Variants in PFKFB2 observed in about 807,000 individuals in gnomAD.
PFKFB2 encodes the protein 6-phosphofructo-2-kinase/fructose-2,6-biphosphatase 2.
PFKFB2 carries 53 observed loss-of-function variants against 68.0 expected under a neutral mutation model. The observed-to-expected ratio is 0.78, with a 90% CI of 0.63 to 0.98. The LOEUF is 0.98. PFKFB2 is among the 50% of genes least tolerant of loss of function. PFKFB2 has a pLI of 0.00. For missense variants in PFKFB2, 451 were observed against 642.0 expected (o/e 0.70, Z 3.22); for synonymous variants, 222 against 227.6 (o/e 0.98, Z 0.22).
upstream of PFKFB2, chr1:207,048,981 G>T (rs758139970): frequency 3.2e-6 from 5 of 1,564,146 alleles, no homozygotes; most frequent in African/African-American, 4.1e-5. Context: ...CCTTCTGGAT[G>T]TGTGAGGTAG....
chr1:207,053,878 TTTTC>T (rs1357520804), intron 1 of PFKFB2, among the ~76,000 whole-genome samples: 3 of 151,600 alleles, frequency 2.0e-5, no homozygotes, highest in African/African-American at 4.8e-5. Context: ...CACTTTTTTC[TTTTC>T]TTTCTTTCTT....
rs1427475473 is a variant in PFKFB2, at chr1:207,077,654, A to AT, written c.*5284dup. Reference sequence around the variant, plus strand: ...ATTTCCTAGGCACTGCTCTGTTGAAATAGGAACATAAGTCTTTAGCAACAT... The same window carrying AT: ...ATTTCCTAGGCACTGCTCTGTTGAAATTAGGAACATAAGTCTTTAGCAACAT... On this transcript the variant is annotated 3_prime_UTR_variant, in exon 15 of 15. Coordinates refer to ENST00000367080, the MANE Select transcript of PFKFB2 (RefSeq NM_006212.2). 5 of 985,734 alleles carry AT rather than the reference A, an allele frequency of 5.1e-6. No homozygotes were observed. The highest frequency in any genetic ancestry group is 1.1e-4 in the East Asian group (1 of 8,832). 61.1% of individuals were successfully genotyped at this position (985,734 alleles called of 1,614,324 possible). A position where few individuals can be genotyped will look rare whatever the true frequency, so the allele number is the denominator to read the frequency against.
chr1:207,047,028 G>C (rs1278241823), intron 2 of PFKFB2: 1 of 152,296 alleles, frequency 6.6e-6, no homozygotes, highest in Non-Finnish European at 1.5e-5. Flanking sequence ...TTATCTAGTG[G>C]TATATTCTTA....
In PFKFB2 at chr1:207,077,439, C is replaced by T. The variant is rs926075805; in HGVS notation, c.*5068C>T. Reference sequence around the variant, plus strand: ...TTTTTGTATCTGAATTGCTTATGTACGTTTTTTATTATATTGACCTAACAA... The same window carrying T: ...TTTTTGTATCTGAATTGCTTATGTATGTTTTTTATTATATTGACCTAACAA... On this transcript the variant is annotated 3_prime_UTR_variant, in exon 15 of 15. Transcript: ENST00000367080. 14 of 985,034 alleles carry T rather than the reference C, an allele frequency of 1.4e-5. No homozygotes were observed. Among genetic ancestry groups the T allele is most frequent in the African/African-American group, 1.7e-5 (1 of 57,194 alleles). 61.0% of individuals were successfully genotyped at this position (985,034 alleles called of 1,614,324 possible).
chr1:207,049,778 T>C (rs1682691460), upstream of PFKFB2: 2 of 1,504,648 alleles, frequency 1.3e-6, no homozygotes, highest in African/African-American at 2.8e-5. Context: ...AGAAACCGAG[T>C]GTTCTCTAGC....
intron 2 of PFKFB2, among the ~76,000 whole-genome samples, chr1:207,056,979 G>T (rs1188555809): frequency 2.0e-5 from 3 of 152,064 alleles, no homozygotes; most frequent in African/African-American, 7.3e-5. Context: ...GGCTAACTTT[G>T]ACTCCGGGAA....
chr1:207,043,274 G>A (rs959096277), intron 2 of PFKFB2, among the ~76,000 whole-genome samples: 3 of 152,038 alleles, frequency 2.0e-5, no homozygotes, highest in African/African-American at 4.8e-5. Context: ...TTCTTATGTT[G>A]GATGTACACT....
At chr1:207,057,429 G>C (rs1226388785) in intron 2 of PFKFB2, among the ~76,000 whole-genome samples, 1 of 149,994 alleles carries the variant, frequency 6.7e-6, no homozygotes, top group Non-Finnish European at 1.5e-5. Context: ...AGTGAGCCGA[G>C]ATCGCGCCAC....
At chr1:207,065,485 G>A (rs907933456) in intron 8 of PFKFB2, among the ~76,000 whole-genome samples, 11 of 151,816 alleles carry the variant, frequency 7.2e-5, no homozygotes, top group Admixed American at 1.3e-4. Flanking sequence ...TGAGTAGCTG[G>A]GACCACAGGT....
Position 207,070,445 on chromosome 1 carries a change from T to C in PFKFB2, c.1222+36T>C. ...GGGAGGGGCTGGGAGACACATCCAG[T>C]GGGAGAGGGCTGGACTTGCAGTGGC... On this transcript the variant is annotated intron_variant, in intron 12 of 14. Coordinates refer to ENST00000367080, the MANE Select transcript of PFKFB2 (RefSeq NM_006212.2). The surrounding 1 kb of genome is among the most constrained non-coding windows in gnomAD (Gnocchi z 4.2). The C allele has an allele frequency of 6.2e-7, 1 of 1,608,102 alleles. No homozygotes were observed. The highest frequency in any genetic ancestry group is 8.5e-7 in the Non-Finnish European group (1 of 1,176,408).
chr1:207,061,774 C>T (rs185311785), intron 2 of PFKFB2, among the ~76,000 whole-genome samples, 179 bp from the exon 3 acceptor site: 82 of 152,186 alleles, frequency 5.4e-4, no homozygotes, highest in Admixed American at 2.3e-3. Flanking sequence ...CCCAGGTATT[C>T]GGAAGGCTGA....
chr1:207,073,678 C>T lies in PFKFB2; in HGVS notation c.*1307C>T, dbSNP rs749150112. 218 of 984,722 alleles carry T rather than the reference C, an allele frequency of 2.2e-4. No homozygotes were observed. Among genetic ancestry groups the T allele is most frequent in the Non-Finnish European group, 2.5e-4 (211 of 829,484 alleles). 61.0% of individuals were successfully genotyped at this position (984,722 alleles called of 1,614,324 possible). A position where few individuals can be genotyped will look rare whatever the true frequency, so the allele number is the denominator to read the frequency against. On this transcript the variant is annotated 3_prime_UTR_variant, in exon 15 of 15. Coordinates refer to ENST00000367080, the MANE Select transcript of PFKFB2 (RefSeq NM_006212.2). ...CCTTGGAACCCTGTGGGATCTAGCTCGTAACTGTTTGTATTTCTCTATTCA... is the reference window on the plus strand; with the variant it reads ...CCTTGGAACCCTGTGGGATCTAGCTTGTAACTGTTTGTATTTCTCTATTCA...
At chr1:207,068,684 GAA>G (rs961143815) in intron 10 of PFKFB2, among the ~76,000 whole-genome samples, 1 of 151,900 alleles carries the variant, frequency 6.6e-6, no homozygotes, top group Non-Finnish European at 1.5e-5. Context: ...AGCTATTCAG[GAA>G]AAGTTTTTCC....
chr1:207,079,039 T>A, downstream of PFKFB2: 1 of 1,597,572 alleles, frequency 6.3e-7, no homozygotes, highest in Non-Finnish European at 8.6e-7. Context: ...TGTTCAGGCC[T>A]CACCTCTCCA....
chr1:207,068,140 TA>T (rs1558063586), intron 9 of PFKFB2, 22 bp from the exon 10 acceptor site: 1 of 1,594,692 alleles, frequency 6.3e-7, no homozygotes, highest in Non-Finnish European at 8.5e-7. Context: ...TTTTTACCCT[TA>T]ATTTTCATTT....
chr1:207,072,229 C>G lies in PFKFB2; in HGVS notation c.1376C>G (p.Pro459Arg). The G allele has an allele frequency of 6.2e-7, 1 of 1,614,128 alleles. No homozygotes were observed. Reference sequence around the variant, plus strand: ...AACAACTTCCCCAAGAACCAAACCCCTGTAAGGATGAGAAGGAACAGCTTT... The same window carrying G: ...AACAACTTCCCCAAGAACCAAACCCGTGTAAGGATGAGAAGGAACAGCTTT... Reference protein sequence around the residue: ...PTNNFPKNQTPVRMRRNSFTP... With the variant: ...PTNNFPKNQTRVRMRRNSFTP... The change falls in exon 15 of 15, where the codon CCT (proline) becomes CGT (arginine). Residue 459 changes from proline (P) to arginine (R), a missense_variant. By Grantham distance (103) the Pro-to-Arg change is moderately radical. Coordinates refer to ENST00000367080, the MANE Select transcript of PFKFB2 (RefSeq NM_006212.2).
At chr1:207,045,734 T>A (rs1682585295) in intron 2 of PFKFB2, 1 of 152,010 alleles carries the variant, frequency 6.6e-6, no homozygotes. Flanking sequence ...ACAGAAGGAA[T>A]AAACTAGAGA....
Position 207,072,470 on chromosome 1 carries a change from C to T in PFKFB2, c.*99C>T, listed in dbSNP as rs762644843. The T allele has an allele frequency of 4.7e-5, 71 of 1,508,942 alleles. No homozygotes were observed. Among genetic ancestry groups the T allele is most frequent in the Non-Finnish European group, 6.0e-5 (68 of 1,131,578 alleles). The allele number at this position is 1,508,942 out of a possible 1,614,324, so 93.5% of individuals were successfully genotyped here. A position where few individuals can be genotyped will look rare whatever the true frequency, so the allele number is the denominator to read the frequency against. ...CTAATCACCAAGGAGTCATTAACTT[C>T]CTCCCTCTATGCCCACCCCTGACAC... On this transcript the variant is annotated 3_prime_UTR_variant, in exon 15 of 15. Coordinates refer to ENST00000367080, the MANE Select transcript of PFKFB2 (RefSeq NM_006212.2).
rs1351094451 is a variant in PFKFB2, at chr1:207,063,856, C to T, written c.507+27C>T. On this transcript the variant is annotated intron_variant, in intron 7 of 14. Transcript: ENST00000367080. The surrounding 1 kb of genome is among the most constrained non-coding windows in gnomAD (Gnocchi z 4.1). The stretch of plus-strand genomic sequence containing the variant: ...TTGGTGACACCCCTACATATCATCT[C>T]CTCTTCACCTTTTGTGCTGTGTGTG... 6 of 1,532,704 alleles carry T rather than the reference C, an allele frequency of 3.9e-6. No individual in the cohort carries two copies. Among genetic ancestry groups the T allele is most frequent in the Non-Finnish European group, 5.4e-6 (6 of 1,108,676 alleles). The allele number at this position is 1,532,704 out of a possible 1,614,324, so 94.9% of individuals were successfully genotyped here. A position where few individuals can be genotyped will look rare whatever the true frequency, so the allele number is the denominator to read the frequency against.
Sources: allele counts gnomAD v4.1 joint callset (sites outside exome capture counted in the v4.1 genomes callset), GRCh38; gene constraint gnomAD v4.1.1; non-coding constraint Gnocchi (gnomAD v3.1); transcripts MANE v1.5; gene names NCBI Gene and HGNC (gene_info 2026-07-23, HGNC 2026-07-21).